Variants in TMEM51 observed in about 807,000 individuals in gnomAD.
TMEM51 encodes chromosome 1 open reading frame 72.
TMEM51 carries 8 observed loss-of-function variants against 13.6 expected under a neutral mutation model. The observed-to-expected ratio is 0.59, with a 90% confidence interval of 0.35 to 1.07. The LOEUF is 1.07. TMEM51 is among the 50% of genes least tolerant of loss of function. The probability of loss-of-function intolerance (pLI) is 0.02; values close to 1 mark genes in which losing one functional copy is unlikely to be tolerated. For missense variants in TMEM51, 279 were observed against 330.7 expected (o/e 0.84, Z 1.21); for synonymous variants, 147 against 144.4 (o/e 1.02, Z -0.13).
intron 1 of TMEM51, among the ~76,000 whole-genome samples, chr1:15,156,568 T>G (rs989986231): frequency 6.6e-6 from 1 of 152,230 alleles, no homozygotes; most frequent in African/African-American, 2.4e-5. Flanking sequence ...TGCTTTCACT[T>G]TTGTTTCTGC....
intron 1 of TMEM51, among the ~76,000 whole-genome samples, chr1:15,158,723 T>C (rs904055359): frequency 2.0e-5 from 3 of 152,148 alleles, no homozygotes; most frequent in Non-Finnish European, 4.4e-5. Flanking sequence ...TCTACCAGGA[T>C]CACAGCTTTG....
chr1:15,185,382 T>C (rs578125801), intron 1 of TMEM51, among the ~76,000 whole-genome samples: 1 of 152,342 alleles, frequency 6.6e-6, no homozygotes, highest in African/African-American at 2.4e-5. Flanking sequence ...GACTAACTCA[T>C]GAAACCTGAG....
intron 1 of TMEM51, among the ~76,000 whole-genome samples, chr1:15,162,458 A>G (rs1432864271): frequency 6.6e-6 from 1 of 152,076 alleles, no homozygotes; most frequent in East Asian, 1.9e-4. Context: ...CACCGCATCC[A>G]GCCTGGGGAT....
chr1:15,162,227 AT>A (rs1311277688), intron 1 of TMEM51, among the ~76,000 whole-genome samples: 5 of 152,076 alleles, frequency 3.3e-5, no homozygotes, highest in African/African-American at 1.2e-4. Context: ...CAGTGGCACA[AT>A]CTTGGCTCAC....
chr1:15,164,260 A>T (rs529956459), intron 1 of TMEM51: 1 of 433,678 alleles, frequency 2.3e-6, no homozygotes, highest in South Asian at 1.6e-5. Flanking sequence ...CCAGGATCCA[A>T]TTCAAGATGC....
upstream of TMEM51, among the ~76,000 whole-genome samples, chr1:15,153,199 G>C (rs578138208): frequency 1.1e-3 from 161 of 141,842 alleles, no homozygotes; most frequent in African/African-American, 3.8e-3. Flanking sequence ...AGGGCAGAAG[G>C]GGGAGAGGGA....
At chr1:15,194,606 T>A (rs1021525786) in intron 1 of TMEM51, among the ~76,000 whole-genome samples, 3 of 152,170 alleles carry the variant, frequency 2.0e-5, no homozygotes, top group African/African-American at 7.2e-5. Flanking sequence ...AACATGTCAT[T>A]GTTACTGGGC....
chr1:15,165,132 G>A (rs1642948185), intron 1 of TMEM51, among the ~76,000 whole-genome samples: 1 of 152,128 alleles, frequency 6.6e-6, no homozygotes, highest in African/African-American at 2.4e-5. Flanking sequence ...AAAGCTGAAT[G>A]CCCTAGTTGA....
intron 3 of TMEM51, among the ~76,000 whole-genome samples, chr1:15,217,892 G>T (rs781035281): frequency 2.5e-4 from 38 of 152,282 alleles, no homozygotes; most frequent in Non-Finnish European, 2.6e-4. Flanking sequence ...GGCCAGTCAG[G>T]TTGACACCTA....
In TMEM51 at chr1:15,161,959, A is replaced by G. The variant is rs1408422672; in HGVS notation, c.-267+8005A>G. Among the ~76,000 whole-genome samples, 1 of 152,004 alleles carries G rather than the reference A, an allele frequency of 6.6e-6. No homozygotes were observed. The highest frequency in any genetic ancestry group is 1.5e-5 in the Non-Finnish European group (1 of 68,026). On this transcript the variant is annotated intron_variant, in intron 1 of 3. Coordinates refer to ENST00000376008, the MANE Select transcript of TMEM51 (RefSeq NM_001136218.2). This position sits in a 1 kb window ranked among gnomAD's most constrained non-coding sequence, Gnocchi z 4.0. ...AGAGAGAAAGAGGTTTATTTAGCCC[A>G]TGGCATCTCAGATGCATCAGCATCT...
chr1:15,168,628 T>C (rs1485447681), intron 1 of TMEM51: 11 of 1,304,340 alleles, frequency 8.4e-6, no homozygotes, highest in Admixed American at 4.6e-5. Context: ...TTCTTCAACC[T>C]TGCCTGTGTG....
rs556211427 is a variant in TMEM51 at position 15,192,040 on chromosome 1, ATGT to A, written c.-266-18446_-266-18444del. The A allele has an allele frequency of 1.8e-4, 96 of 528,408 alleles. 1 individual carries two copies. Among genetic ancestry groups the A allele is most frequent in the African/African-American group, 1.7e-3 (89 of 51,738 alleles). The allele number at this position is 528,408 out of a possible 1,614,324, so 32.7% of individuals were successfully genotyped here. A position where few individuals can be genotyped will look rare whatever the true frequency, so the allele number is the denominator to read the frequency against. On this transcript the variant is annotated intron_variant, in intron 1 of 3. Transcript: ENST00000376008. ...GTCTGTATTTGAAATGCCATACGTG[ATGT>A]TGTCATGATGAGGATTAGAAGTGGC...
intron 1 of TMEM51, among the ~76,000 whole-genome samples, chr1:15,166,096 C>T (rs1336828499): frequency 6.6e-6 from 1 of 152,138 alleles, no homozygotes; most frequent in Non-Finnish European, 1.5e-5. Flanking sequence ...TTTCGATATT[C>T]TTTCTGCTAA....
intron 3 of TMEM51, among the ~76,000 whole-genome samples, chr1:15,218,870 T>A (rs1294356798): frequency 6.6e-6 from 1 of 152,202 alleles, no homozygotes; most frequent in Non-Finnish European, 1.5e-5. Context: ...AATTTGCATG[T>A]GACTAAAAGT....
chr1:15,183,145 G>A (rs1643671270), intron 1 of TMEM51, among the ~76,000 whole-genome samples: 1 of 152,154 alleles, frequency 6.6e-6, no homozygotes, highest in Admixed American at 6.5e-5. Flanking sequence ...CACTCTTTGG[G>A]AACATATGGA....
chr1:15,159,498 T>C (rs1642698975), intron 1 of TMEM51, among the ~76,000 whole-genome samples: 1 of 152,252 alleles, frequency 6.6e-6, no homozygotes, highest in Admixed American at 6.5e-5. Context: ...GCATTAATTT[T>C]TTCAATGCCA....
chr1:15,202,180 C>A (rs1644168636), intron 1 of TMEM51, among the ~76,000 whole-genome samples: 1 of 152,120 alleles, frequency 6.6e-6, no homozygotes, highest in South Asian at 2.1e-4. Flanking sequence ...GGTAGAGGAG[C>A]ACCGCCATGC....
At chr1:15,175,085 A>G (rs1643413756) in intron 1 of TMEM51, among the ~76,000 whole-genome samples, 1 of 152,050 alleles carries the variant, frequency 6.6e-6, no homozygotes, top group Admixed American at 6.6e-5. Flanking sequence ...GTTCTTCTCC[A>G]TTTGTCAACT....
At chr1:15,190,356 C>T (rs878974085) in intron 1 of TMEM51, among the ~76,000 whole-genome samples, 1 of 152,152 alleles carries the variant, frequency 6.6e-6, no homozygotes, top group Non-Finnish European at 1.5e-5. Context: ...CTCTTCTAAG[C>T]ACAATGTGAA....
Sources: allele counts gnomAD v4.1 joint callset (sites outside exome capture counted in the v4.1 genomes callset), GRCh38; gene constraint gnomAD v4.1.1; non-coding constraint Gnocchi (gnomAD v3.1); transcripts MANE v1.5; gene names NCBI Gene and HGNC (gene_info 2026-07-23, HGNC 2026-07-21).